The following PAN2 variants were observed in gnomAD, a reference collection of about 807,000 sequenced individuals.
PAN2 encodes PAN2-PAN3 deadenylation complex catalytic subunit PAN2.
PAN2 carries 68 observed loss-of-function variants against 133.3 expected under a neutral mutation model. The ratio of observed to expected loss-of-function variants is 0.51; its 90% CI spans 0.42 to 0.62. PAN2 has a LOEUF of 0.62. Ranked by LOEUF, PAN2 falls within the 20% of genes least tolerant of loss-of-function variation. The pLI is 0.00. For synonymous variants in PAN2, 462 were observed against 544.6 expected, an observed-to-expected ratio of 0.85 and a Z score of 2.11; for missense variants, 1,042 against 1,500.5, an observed-to-expected ratio of 0.69 and a Z score of 5.05.
At position 56,319,320 on chromosome 12, in the gene PAN2, G is replaced by A. The variant is rs1305042118; in HGVS notation, c.3258C>T (p.Val1086=). Residue 1086 remains valine (V), a synonymous_variant, in exon 23 of 26, where the codon GTC becomes GTT. Transcript: ENST00000440411. This position sits in a 1 kb window ranked among gnomAD's most constrained non-coding sequence, Gnocchi z 5.4. ...VGHGLQKDFR[V]INLMVPKDQV... ...AGCCCTGCCAAACCATCAGGTTGAT[G>A]ACCCGGAAGTCCTTCTGCAGGCCAT... The A allele has an allele frequency of 1.2e-6, 2 of 1,613,452 alleles. No homozygotes were observed. The highest frequency in any genetic ancestry group is 2.2e-5 in the East Asian group (1 of 44,892).
At chr12:56,320,454 A>G (rs183034577) in intron 20 of PAN2, among the ~76,000 whole-genome samples, 3 of 152,132 alleles carry the variant, frequency 2.0e-5, no homozygotes, top group East Asian at 1.9e-4. Flanking sequence ...CCTGCCCAAC[A>G]TGGTGAAACC....
intron 20 of PAN2, among the ~76,000 whole-genome samples, chr12:56,320,847 G>A (rs530344028): frequency 2.0e-5 from 3 of 149,010 alleles, no homozygotes; most frequent in Non-Finnish European, 3.0e-5. Flanking sequence ...GGTGGATCAC[G>A]AGGTCAGGAG....
intron 20 of PAN2, among the ~76,000 whole-genome samples, 163 bp from the exon 21 acceptor site, chr12:56,320,184 G>A (rs781342042): frequency 6.6e-6 from 1 of 152,190 alleles, no homozygotes; most frequent in Non-Finnish European, 1.5e-5. Flanking sequence ...CAGGTAGACA[G>A]AGCAGGTCAC....
At chr12:56,331,403 G>A (rs1236157597) in intron 2 of PAN2, among the ~76,000 whole-genome samples, 1 of 152,116 alleles carries the variant, frequency 6.6e-6, no homozygotes, top group East Asian at 1.9e-4. Flanking sequence ...TCAGTTCAAG[G>A]GTTACTTCCT....
Position 56,323,878 on chromosome 12 carries a change from G to A in PAN2, c.2101C>T (p.Leu701=). The A allele has an allele frequency of 6.2e-7, 1 of 1,614,114 alleles. No homozygotes were observed. The highest frequency in any genetic ancestry group is 8.5e-7 in the Non-Finnish European group (1 of 1,179,932). Residue 701 remains leucine, a synonymous_variant, in exon 14 of 26, where the codon CTG becomes TTG. Coordinates refer to ENST00000440411, the MANE Select transcript of PAN2 (RefSeq NM_014871.6). ...TGKNYDFAQV[L]KRSICLDQNT... ...TGGTCCAGGCAGATGCTTCGCTTCA[G>A]CACCTGAGCAAAGTCATAGTTCTTC...
intron 10 of PAN2, 147 bp downstream of exon 10, chr12:56,324,862 G>T: frequency 1.5e-6 from 2 of 1,360,472 alleles, no homozygotes; most frequent in South Asian, 2.8e-5. Flanking sequence ...GAGGAGACTT[G>T]AAAGTTGTAG....
intron 19 of PAN2, 27 bp from the exon 20 acceptor site, chr12:56,322,195 C>T (rs377323830): frequency 1.5e-6 from 2 of 1,373,226 alleles, no homozygotes; most frequent in African/African-American, 2.8e-5. Context: ...GCACTTATGG[C>T]TAATGTATAT....
intron 10 of PAN2, 149 bp downstream of exon 10, chr12:56,324,860 T>C: frequency 7.3e-7 from 1 of 1,362,888 alleles, no homozygotes. Context: ...CAGAGGAGAC[T>C]TGAAAGTTGT....
At chr12:56,317,957 G>T (rs1592426252) in intron 25 of PAN2, among the ~76,000 whole-genome samples, 1 of 152,118 alleles carries the variant, frequency 6.6e-6, no homozygotes, top group African/African-American at 2.4e-5. Context: ...TGGGTGGATC[G>T]CTTGAGCCCA....
chr12:56,321,836 G>A (rs1446102929), intron 20 of PAN2, among the ~76,000 whole-genome samples: 1 of 149,888 alleles, frequency 6.7e-6, no homozygotes, highest in Non-Finnish European at 1.5e-5. Flanking sequence ...GGGTGACAGA[G>A]CAAGACTGCA....
intron 1 of PAN2, 131 bp from the exon 2 acceptor site, chr12:56,333,339 A>T (rs1876117570): frequency 2.3e-5 from 11 of 478,606 alleles, no homozygotes; most frequent in East Asian, 7.3e-5. Context: ...AGGATGAAGC[A>T]GGCGGGGGAG....
chr12:56,320,775 G>T (rs1304466645), intron 20 of PAN2, among the ~76,000 whole-genome samples: 3 of 138,606 alleles, frequency 2.2e-5, no homozygotes, highest in African/African-American at 8.4e-5. Flanking sequence ...TTTTAAGACA[G>T]GGTCTCAGGC....
At chr12:56,325,205 T>C (rs555935721) in intron 9 of PAN2, 77 bp from the exon 10 acceptor site, 2 of 1,583,300 alleles carry the variant, frequency 1.3e-6, no homozygotes, top group East Asian at 2.2e-5. Context: ...CAGCCTTTCC[T>C]AGAGCCTTCC....
chr12:56,319,604 T>C lies in PAN2; in HGVS notation c.3090+17A>G. On this transcript the variant is annotated intron_variant, in intron 22 of 25. Transcript: ENST00000440411. This position sits in a 1 kb window ranked among gnomAD's most constrained non-coding sequence, Gnocchi z 5.4. ...AGCACCAGGGTGTGCCTCACTTGCA[T>C]CTCCATATCCTAATACCTGCTCCTG... The C allele has an allele frequency of 1.3e-6, 2 of 1,597,942 alleles. No homozygotes were observed. Among genetic ancestry groups the C allele is most frequent in the South Asian group, 2.3e-5 (2 of 88,138 alleles).
chr12:56,318,453 G>C lies in PAN2; in HGVS notation c.3365-19C>G, dbSNP rs1347622918. The C allele has an allele frequency of 6.2e-7, 1 of 1,600,714 alleles. No homozygotes were observed. The highest frequency in any genetic ancestry group is 2.2e-5 in the East Asian group (1 of 44,814). ...TTCAGGTCTGGGGTAAGTAAAGGTG[G>C]AATAGTTTGGGACCCAGCAAAGGGA... On this transcript the variant is annotated intron_variant, in intron 24 of 25. Transcript: ENST00000440411.
intron 4 of PAN2, 67 bp downstream of exon 4, chr12:56,328,171 C>T: frequency 6.3e-7 from 1 of 1,597,266 alleles, no homozygotes. Context: ...CATTACCAGC[C>T]CAAGCATACC....
chr12:56,331,032 T>C (rs1355913207), intron 2 of PAN2, among the ~76,000 whole-genome samples: 1 of 151,766 alleles, frequency 6.6e-6, no homozygotes, highest in Non-Finnish European at 1.5e-5. Flanking sequence ...ATTCCTGACC[T>C]CAGGTGATCC....
intron 12 of PAN2, 45 bp from the exon 13 acceptor site, chr12:56,324,230 G>T: frequency 1.2e-6 from 2 of 1,611,480 alleles, no homozygotes; most frequent in Non-Finnish European, 8.5e-7. Flanking sequence ...GAAGTTAGGA[G>T]ACCTTTTAAA....
intron 5 of PAN2, 172 bp downstream of exon 5, chr12:56,327,823 T>A: frequency 7.4e-7 from 1 of 1,349,490 alleles, no homozygotes; most frequent in African/African-American, 1.5e-5. Context: ...ATAGAAAACA[T>A]CAAGCTGCAA....
Sources: gnomAD v4.1 joint callset for allele counts (sites outside exome capture counted in the v4.1 genomes callset) on GRCh38, gnomAD v4.1.1 for gene constraint, Gnocchi (gnomAD v3.1) non-coding constraint, MANE v1.5 for transcripts, NCBI Gene and HGNC (gene_info 2026-07-23, HGNC 2026-07-21) for gene names.